The following AOAH variants were observed in gnomAD, a reference collection of about 807,000 sequenced individuals.
AOAH encodes acyloxyacyl hydrolase (neutrophil).
A neutral mutation model predicts 92.2 loss-of-function variants in AOAH; 64 were observed. The observed-to-expected ratio is 0.69, with a 90% confidence interval of 0.57 to 0.86. The LOEUF (loss-of-function observed/expected upper bound fraction) is 0.86. Ranked by LOEUF, AOAH falls within the 40% of genes least tolerant of loss-of-function variation. The probability of loss-of-function intolerance (pLI) is 0.00; values close to 1 mark genes in which losing one functional copy is unlikely to be tolerated. For missense variants in AOAH, 656 were observed against 694.6 expected (o/e 0.94, Z 0.62); for synonymous variants, 263 against 254.5 (o/e 1.03, Z -0.32).
At chr7:36,620,641 C>G (rs1267242341) in intron 9 of AOAH, 140 bp downstream of exon 9, 3 of 714,600 alleles carry the variant, frequency 4.2e-6, no homozygotes, top group Non-Finnish European at 7.1e-6. Context: ...GGATTCTATA[C>G]CCCTCTTCTA....
intron 11 of AOAH, among the ~76,000 whole-genome samples, chr7:36,607,121 G>T (rs561398750): frequency 6.6e-6 from 1 of 152,202 alleles, no homozygotes; most frequent in Non-Finnish European, 1.5e-5. Flanking sequence ...GAGGAGAGGG[G>T]CTGCTGCAGG....
chr7:36,532,166 A>G lies in AOAH; in HGVS notation c.1406T>C (p.Leu469Ser). The G allele has an allele frequency of 6.2e-7, 1 of 1,614,236 alleles. No homozygotes were observed. The highest frequency in any genetic ancestry group is 8.5e-7 in the Non-Finnish European group (1 of 1,180,038). Residue 469 changes from leucine to serine, a missense_variant, in exon 18 of 21, where the codon TTG becomes TCG. By Grantham distance (145) the Leu-to-Ser change is moderately radical. Coordinates refer to ENST00000617537, the MANE Select transcript of AOAH (RefSeq NM_001637.4). ...TCATACCTCTGAAGTGAGAGTCCGC[A>G]ACGTCTTGTTGGAAGACATCCAGCC... ...CHGWMSSNKT[L>S]RTLTSERAEQ...
chr7:36,695,179 TATACCAAA>T (rs2116848640), intron 1 of AOAH, among the ~76,000 whole-genome samples: 1 of 152,198 alleles, frequency 6.6e-6, no homozygotes, highest in African/African-American at 2.4e-5. Flanking sequence ...TGAAAGAAAA[TATACCAAA>T]ATACCAAAAT....
intron 5 of AOAH, among the ~76,000 whole-genome samples, chr7:36,632,867 G>A (rs35841227): frequency 4.1e-4 from 62 of 152,306 alleles, no homozygotes; most frequent in South Asian, 1.2e-3. Flanking sequence ...ATCAGCAACC[G>A]TTTCAGAATA....
At chr7:36,579,533 G>C (rs1788778525) in intron 12 of AOAH, among the ~76,000 whole-genome samples, 1 of 152,004 alleles carries the variant, frequency 6.6e-6, no homozygotes, top group African/African-American at 2.4e-5. Context: ...TATATGGGGG[G>C]GTTTTTAGTA....
At chr7:36,720,783 C>T (rs1395895691) in intron 1 of AOAH, among the ~76,000 whole-genome samples, 2 of 55,844 alleles carry the variant, frequency 3.6e-5, no homozygotes, top group African/African-American at 7.8e-5. Flanking sequence ...TCCTCTCCTT[C>T]ATCTGTGTAT....
chr7:36,601,439 C>T (rs1790588462), intron 11 of AOAH, among the ~76,000 whole-genome samples: 1 of 151,982 alleles, frequency 6.6e-6, no homozygotes, highest in African/African-American at 2.4e-5. Context: ...TGTTGGACTC[C>T]ATACCAGGCA....
At chr7:36,659,416 C>G in intron 3 of AOAH, 151 bp from the exon 4 acceptor site, 1 of 642,518 alleles carries the variant, frequency 1.6e-6, no homozygotes, top group Non-Finnish European at 2.8e-6. Flanking sequence ...CGGGGAGCTG[C>G]TGGATGGTAA....
At chr7:36,560,587 C>G (rs781253468) in intron 13 of AOAH, among the ~76,000 whole-genome samples, 5 of 151,964 alleles carry the variant, frequency 3.3e-5, no homozygotes, top group Admixed American at 1.3e-4. Flanking sequence ...GATTTTGTAC[C>G]CTGAAACTTT....
intron 13 of AOAH, among the ~76,000 whole-genome samples, chr7:36,567,401 T>C (rs547856890): frequency 1.3e-5 from 2 of 152,332 alleles, no homozygotes; most frequent in South Asian, 4.1e-4. Context: ...TTGGGCAAGT[T>C]ACTTAACCTT....
rs189774898 is a variant in AOAH at position 36,704,923 on chromosome 7, G to C, written c.128-18129C>G. Among the ~76,000 whole-genome samples, 305 of 152,098 alleles carry C rather than the reference G, an allele frequency of 2.0e-3. 2 individuals are homozygous for C. Among genetic ancestry groups the C allele is most frequent in the African/African-American group, 6.5e-3 (270 of 41,478 alleles). On this transcript the variant is annotated intron_variant, in intron 1 of 20. Coordinates refer to ENST00000617537, the MANE Select transcript of AOAH (RefSeq NM_001637.4). ...GATTATCTCAAAAGATACAGAAAAG[G>C]CCTTCAATAAAATTCAACACCCCTT...
At chr7:36,521,997 CCATCAAAT>C in intron 20 of AOAH, 34 bp downstream of exon 20, 1 of 1,534,800 alleles carries the variant, frequency 6.5e-7, no homozygotes. Flanking sequence ...AACCAACAAA[CCATCAAAT>C]AGCCTTCTGC....
intron 5 of AOAH, among the ~76,000 whole-genome samples, chr7:36,634,487 A>G (rs1793376294): frequency 6.6e-6 from 1 of 151,608 alleles, no homozygotes; most frequent in Non-Finnish European, 1.5e-5. Context: ...ATCACTTTAG[A>G]GTTGTGAGCC....
chr7:36,671,098 C>A (rs1397522341), intron 3 of AOAH, among the ~76,000 whole-genome samples: 1 of 152,186 alleles, frequency 6.6e-6, no homozygotes, highest in Non-Finnish European at 1.5e-5. Context: ...ATCTAGGCTC[C>A]TACTAGGTGT....
chr7:36,699,630 A>ATTGTTTTTTTTTTTTTTTTTTTT (rs1562709367), intron 1 of AOAH, among the ~76,000 whole-genome samples: 1 of 139,836 alleles, frequency 7.2e-6, no homozygotes, highest in Non-Finnish European at 1.5e-5. Context: ...TTTAAATTGG[A>ATTGTTTTTTTTTTTTTTTTTTTT]TTATTTGTTT....
Position 36,594,481 on chromosome 7 carries a change from A to C in AOAH, c.847-51T>G, listed in dbSNP as rs1177245346. The C allele has an allele frequency of 6.1e-6, 9 of 1,486,176 alleles. No homozygotes were observed. The South Asian group carries it at 8.0e-5, about 13-fold the overall frequency. The allele number at this position is 1,486,176 out of a possible 1,614,324, so 92.1% of individuals were successfully genotyped here. ...TATCAAAATGGTCATTTATTTTCTA[A>C]AGGTAGTAAGAAAATTCATGGCCTG... is the stretch of plus-strand genomic sequence containing the variant. On this transcript the variant is annotated intron_variant, in intron 11 of 20. Transcript: ENST00000617537.
At chr7:36,696,261 CTTT>C (rs547870480) in intron 1 of AOAH, among the ~76,000 whole-genome samples, 3 of 152,254 alleles carry the variant, frequency 2.0e-5, no homozygotes, top group African/African-American at 7.2e-5. Flanking sequence ...GTTCTGGCTT[CTTT>C]TAATTTCTAC....
chr7:36,560,436 T>C (rs569581733), intron 13 of AOAH, among the ~76,000 whole-genome samples: 25 of 152,198 alleles, frequency 1.6e-4, no homozygotes, highest in Non-Finnish European at 2.8e-4. Flanking sequence ...GTTCTCCTTG[T>C]AGAGGTCTTT....
intron 3 of AOAH, among the ~76,000 whole-genome samples, chr7:36,667,479 G>A (rs1562675927): frequency 6.6e-6 from 1 of 152,176 alleles, no homozygotes; most frequent in Non-Finnish European, 1.5e-5. Flanking sequence ...CTTTGTCATA[G>A]ATATGGGTGT....
Sources: gnomAD v4.1 joint callset for allele counts (sites outside exome capture counted in the v4.1 genomes callset) on GRCh38, gnomAD v4.1.1 for gene constraint, MANE v1.5 for transcripts, NCBI Gene and HGNC (gene_info 2026-07-23, HGNC 2026-07-21) for gene names.